Variants in DCX observed in about 807,000 individuals in gnomAD.
DCX encodes doublecortin.
A neutral mutation model predicts 20.9 loss-of-function variants in DCX; 4 were observed. The observed-to-expected ratio is 0.19, with a 90% CI of 0.09 to 0.44. The LOEUF (loss-of-function observed/expected upper bound fraction) is 0.44, where lower values mean the gene tolerates loss of function less well. DCX is among the 20% of genes least tolerant of loss of function. The pLI, the probability that DCX is intolerant of heterozygous loss-of-function variation, is 0.99. For missense variants in DCX, 133 were observed against 296.9 expected, an observed-to-expected ratio of 0.45 and a Z score of 4.06; for synonymous variants, 103 against 111.4, an observed-to-expected ratio of 0.92 and a Z score of 0.47.
chrX:111,381,642 T>C (rs1457240186), intron 3 of DCX, among the ~76,000 whole-genome samples: 1 of 111,040 alleles, frequency 9.0e-6, no homozygotes, highest in East Asian at 2.9e-4. Context: ...GTCTTTTGTG[T>C]CCAAGCAGAA....
At chrX:111,408,623 G>T (rs1401318922) in intron 2 of DCX, among the ~76,000 whole-genome samples, 5 of 91,296 alleles carry the variant, frequency 5.5e-5, no homozygotes, top group South Asian at 6.1e-4. Context: ...AAGAAAGAAA[G>T]AAAGAAAAGA....
intron 3 of DCX, among the ~76,000 whole-genome samples, chrX:111,384,964 A>G (rs1926268533): frequency 8.9e-6 from 1 of 112,801 alleles, no homozygotes. Flanking sequence ...CTCATAGATT[A>G]TCCAGCTCTT....
At chrX:111,369,354 T>C (rs1193480516) in intron 3 of DCX, among the ~76,000 whole-genome samples, 4 of 111,706 alleles carry the variant, frequency 3.6e-5, no homozygotes, top group Non-Finnish European at 7.5e-5. Flanking sequence ...ATGAAAATTA[T>C]ACAATTCCAT....
At chrX:111,348,543 G>C (rs759430077) in intron 3 of DCX, among the ~76,000 whole-genome samples, 1 of 111,366 alleles carries the variant, frequency 9.0e-6, no homozygotes, top group Admixed American at 9.5e-5. Flanking sequence ...TTGAGTACAT[G>C]CCCAGGACTG....
At chrX:111,368,454 C>G (rs914157667) in intron 3 of DCX, among the ~76,000 whole-genome samples, 4 of 111,601 alleles carry the variant, frequency 3.6e-5, no homozygotes, top group Non-Finnish European at 7.5e-5. Context: ...GTGCCAAACC[C>G]TATGCTTCAT....
At chrX:111,368,335 T>C (rs1196165220) in intron 3 of DCX, among the ~76,000 whole-genome samples, 2 of 111,753 alleles carry the variant, frequency 1.8e-5, no homozygotes, top group African/African-American at 6.5e-5. Flanking sequence ...TGCACTTCAA[T>C]GAAAAAAGTC....
rs1462456225 is a variant in DCX, at chrX:111,400,975, TG to T, written c.705+14del. On this transcript the variant is annotated intron_variant, in intron 3 of 6. Transcript: ENST00000636035. ...TTTAGAAAAAACGGGAAAAGTACTT[TG>T]AAAAAGTACCTACCTGTTTTCCATC... The T allele has an allele frequency of 1.7e-6, 2 of 1,202,858 alleles. No homozygotes were observed. Among genetic ancestry groups the T allele is most frequent in the East Asian group, 5.9e-5 (2 of 33,767 alleles).
At chrX:111,400,844 CT>C in intron 3 of DCX, 145 bp downstream of exon 3, 1 of 556,825 alleles carries the variant, frequency 1.8e-6, no homozygotes, top group South Asian at 3.2e-5. Flanking sequence ...CTAAAAATAC[CT>C]TTTCTCCAAA....
chrX:111,366,595 G>A (rs1003033246), intron 3 of DCX, among the ~76,000 whole-genome samples: 1 of 112,024 alleles, frequency 8.9e-6, no homozygotes, highest in African/African-American at 3.2e-5. Flanking sequence ...CCAAAGGGCA[G>A]ACATAAGGAT....
chrX:111,368,582 TG>T (rs1279378138), intron 3 of DCX, among the ~76,000 whole-genome samples: 2 of 111,093 alleles, frequency 1.8e-5, no homozygotes, highest in African/African-American at 6.5e-5. Flanking sequence ...TTAATAACAT[TG>T]GGATCATTGG....
At chrX:111,406,426 T>C (rs763637072) in intron 2 of DCX, among the ~76,000 whole-genome samples, 1 of 112,056 alleles carries the variant, frequency 8.9e-6, no homozygotes, top group Admixed American at 9.5e-5. Flanking sequence ...ATAATAATAG[T>C]ACCTGTAGCT....
chrX:111,394,317 T>C (rs778211612), intron 3 of DCX, among the ~76,000 whole-genome samples: 1 of 111,442 alleles, frequency 9.0e-6, no homozygotes, highest in Non-Finnish European at 1.9e-5. Flanking sequence ...TAAGTGATTG[T>C]TTAGGGATGG....
intron 3 of DCX, among the ~76,000 whole-genome samples, chrX:111,340,124 C>T (rs1922088718): frequency 1.8e-5 from 2 of 112,700 alleles, no homozygotes; most frequent in African/African-American, 3.2e-5. Context: ...AACATTTTAG[C>T]TCCCTGGGTC....
intron 6 of DCX, among the ~76,000 whole-genome samples, chrX:111,306,876 C>G (rs2095046475): frequency 1.8e-5 from 2 of 111,090 alleles, no homozygotes; most frequent in Non-Finnish European, 3.8e-5. Context: ...AAAATGAAAT[C>G]ACAACACACC....
rs768248222 is a variant in DCX at position 111,312,957 on chromosome X, C to T, written c.947-221G>A. Reference sequence around the variant, plus strand: ...CCCTATGCAGTGCAAGGCCGTCATCCTCCCACCCTTTCCTCCTCAGTGCTT... The same window carrying T: ...CCCTATGCAGTGCAAGGCCGTCATCTTCCCACCCTTTCCTCCTCAGTGCTT... On this transcript the variant is annotated intron_variant, in intron 5 of 6. Coordinates refer to ENST00000636035, the MANE Select transcript of DCX (RefSeq NM_001195553.2). 8.0e-5 allele frequency among the ~76,000 whole-genome samples: 9 copies of T among 111,894 alleles called. No individual in the cohort carries two copies. In the East Asian group the frequency reaches 2.6e-3, roughly 32 times the overall value.
chrX:111,309,403 C>T (rs968254562), intron 6 of DCX, among the ~76,000 whole-genome samples: 7 of 112,301 alleles, frequency 6.2e-5, no homozygotes, highest in African/African-American at 2.3e-4. Context: ...CTGCTCAGGC[C>T]TGCTGCCCAG....
chrX:111,307,295 T>C (rs1304100006), intron 6 of DCX, among the ~76,000 whole-genome samples: 1 of 108,592 alleles, frequency 9.2e-6, no homozygotes, highest in Non-Finnish European at 1.9e-5. Flanking sequence ...TATATACATA[T>C]ATATATACAC....
intron 3 of DCX, among the ~76,000 whole-genome samples, chrX:111,378,603 A>G (rs1204617635): frequency 9.0e-6 from 1 of 111,167 alleles, no homozygotes; most frequent in Non-Finnish European, 1.9e-5. Context: ...CTAGGTAGCG[A>G]CCAAATTTCT....
chrX:111,375,997 T>A (rs759132623), intron 3 of DCX, among the ~76,000 whole-genome samples: 156 of 112,420 alleles, frequency 1.4e-3, no homozygotes, highest in Non-Finnish European at 2.6e-3. Flanking sequence ...CTGAGGTTTA[T>A]TAGCTCCCTA....
Sources: gnomAD v4.1 joint callset for allele counts (sites outside exome capture counted in the v4.1 genomes callset) on GRCh38, gnomAD v4.1.1 for gene constraint, MANE v1.5 for transcripts, NCBI Gene and HGNC (gene_info 2026-07-23, HGNC 2026-07-21) for gene names.